Variants in SLC25A28 observed in about 807,000 individuals in gnomAD.
SLC25A28 encodes mitoferrin-2.
Under a neutral mutation model 31.9 loss-of-function variants are expected in SLC25A28, and 10 were observed. That is an observed-to-expected ratio of 0.31 (90% CI 0.19 to 0.53). The LOEUF (loss-of-function observed/expected upper bound fraction) is 0.53, where lower values mean the gene tolerates loss of function less well. Ranked by LOEUF, SLC25A28 falls within the 20% of genes least tolerant of loss-of-function variation. The pLI, the probability that SLC25A28 is intolerant of heterozygous loss-of-function variation, is 0.95. For missense variants in SLC25A28, 256 were observed against 490.3 expected (o/e 0.52, Z 4.51); for synonymous variants, 208 against 203.6 (o/e 1.02, Z -0.19).
chr10:99,620,406 G>C lies in SLC25A28; in HGVS notation c.-71C>G, dbSNP rs1171874055. ...ACTGCCGCCGCCGCCCCCCGGCCCC[G>C]TAGTGTCCGCCTCAGGCGCGGCCCA... On this transcript the variant is annotated 5_prime_UTR_variant, in exon 1 of 4. Transcript: ENST00000370495. 35 of 1,002,840 alleles carry C rather than the reference G, an allele frequency of 3.5e-5. No homozygotes were observed. The highest frequency in any genetic ancestry group is 4.1e-5 in the Non-Finnish European group (35 of 848,954). 62.1% of individuals were successfully genotyped at this position (1,002,840 alleles called of 1,614,324 possible).
upstream of SLC25A28, chr10:99,622,649 T>G (rs546909523): frequency 1.0e-6 from 1 of 985,450 alleles, no homozygotes; most frequent in African/African-American, 1.7e-5. Context: ...CACTTTTTAC[T>G]AGCTTCAGAA....
chr10:99,656,982 T>C, the SLC25A28 span, among the ~76,000 whole-genome samples: 2 of 152,180 alleles, frequency 1.3e-5, no homozygotes, highest in Non-Finnish European at 2.9e-5. Flanking sequence ...TATGGATTTA[T>C]TGAAGGAAGT....
chr10:99,622,704 C>T (rs2034819319), upstream of SLC25A28: 8 of 985,322 alleles, frequency 8.1e-6, no homozygotes, highest in South Asian at 3.3e-4. Context: ...ACTTCTCTAG[C>T]CATTGAAGTG....
the SLC25A28 span, among the ~76,000 whole-genome samples, chr10:99,636,986 A>G: frequency 2.0e-5 from 3 of 152,216 alleles, no homozygotes; most frequent in South Asian, 4.1e-4. Context: ...GGATGTAACC[A>G]AAAAAGAAAA....
chr10:99,657,637 T>C, the SLC25A28 span, among the ~76,000 whole-genome samples: 1 of 152,142 alleles, frequency 6.6e-6, no homozygotes, highest in Non-Finnish European at 1.5e-5. Context: ...CTAGATCTTA[T>C]ATGACAATTA....
chr10:99,656,075 G>C, the SLC25A28 span, among the ~76,000 whole-genome samples: 1 of 152,096 alleles, frequency 6.6e-6, no homozygotes, highest in Non-Finnish European at 1.5e-5. Flanking sequence ...AGTGGGATCT[G>C]CCACACCATG....
At chr10:99,617,491 T>C in intron 1 of SLC25A28, 1 of 925,432 alleles carries the variant, frequency 1.1e-6, no homozygotes, top group Non-Finnish European at 1.2e-6. Flanking sequence ...TCTTAAAGAC[T>C]GGGCTGCTTT....
intron 3 of SLC25A28, 28 bp downstream of exon 3, chr10:99,612,515 A>G (rs2034551768): frequency 6.2e-7 from 1 of 1,612,748 alleles, no homozygotes. Flanking sequence ...GCAGCTGCCC[A>G]CAGAGTGATA....
At chr10:99,628,611 G>A in the SLC25A28 span, among the ~76,000 whole-genome samples, 1 of 152,200 alleles carries the variant, frequency 6.6e-6, no homozygotes, top group South Asian at 2.1e-4. Context: ...GATCACCTGA[G>A]GTCAGGAGTT....
intron 3 of SLC25A28, 115 bp downstream of exon 3, chr10:99,612,428 T>C (rs2034547984): frequency 8.4e-7 from 1 of 1,192,104 alleles, no homozygotes; most frequent in Non-Finnish European, 1.2e-6. Flanking sequence ...GAGCACCCTC[T>C]AGTGGTAAAA....
the SLC25A28 span, among the ~76,000 whole-genome samples, chr10:99,651,594 C>CTTTTTTCTTTT: frequency 2.7e-5 from 3 of 110,174 alleles, no homozygotes; most frequent in Non-Finnish European, 5.4e-5. Flanking sequence ...TTTTTCTTTT[C>CTTTTTTCTTTT]TTTTTTTTTT....
chr10:99,631,878 ATTTTTTTTTTTTAT>A, the SLC25A28 span, among the ~76,000 whole-genome samples: 5 of 92,904 alleles, frequency 5.4e-5, no homozygotes, highest in Non-Finnish European at 8.0e-5. Context: ...TCAGTATGTT[ATTTTTTTTTTTTAT>A]TTTTTTTTTT....
At chr10:99,637,836 T>G in the SLC25A28 span, among the ~76,000 whole-genome samples, 2 of 152,344 alleles carry the variant, frequency 1.3e-5, no homozygotes, top group African/African-American at 4.8e-5. Context: ...TGCTCATGGA[T>G]GGGTAGAATC....
Position 99,613,548 on chromosome 10 carries a change from C to G in SLC25A28, c.520+148G>C. ...GTTGAAGCGGCCCGTTGTCTGAGAA[C>G]ATCAGGTTTGGAAGTCCCTCCCTTA... is the stretch of plus-strand genomic sequence containing the variant. On this transcript the variant is annotated intron_variant, in intron 2 of 3. Coordinates refer to ENST00000370495, the MANE Select transcript of SLC25A28 (RefSeq NM_031212.4). This position sits in a 1 kb window ranked among gnomAD's most constrained non-coding sequence, Gnocchi z 4.9. The G allele has an allele frequency of 6.7e-7, 1 of 1,492,610 alleles. No individual in the cohort carries two copies. Among genetic ancestry groups the G allele is most frequent in the South Asian group, 1.3e-5 (1 of 75,308 alleles). The allele number at this position is 1,492,610 out of a possible 1,614,324, so 92.5% of individuals were successfully genotyped here. A position where few individuals can be genotyped will look rare whatever the true frequency, so the allele number is the denominator to read the frequency against.
At chr10:99,637,669 C>G in the SLC25A28 span, among the ~76,000 whole-genome samples, 491 of 152,216 alleles carry the variant, frequency 3.2e-3, 2 homozygotes, top group African/African-American at 0.011. Flanking sequence ...AAATCAGGAA[C>G]TCAACTCTTT....
chr10:99,644,162 G>A, the SLC25A28 span, among the ~76,000 whole-genome samples: 1 of 152,192 alleles, frequency 6.6e-6, no homozygotes, highest in Non-Finnish European at 1.5e-5. Context: ...TGTTGACAGT[G>A]AGGTGTTAAA....
the SLC25A28 span, among the ~76,000 whole-genome samples, chr10:99,635,729 C>T: frequency 2.6e-5 from 4 of 151,174 alleles, no homozygotes; most frequent in South Asian, 2.1e-4. Context: ...AGGAGACTCA[C>T]CTAACACATA....
chr10:99,636,081 CAAAG>C, the SLC25A28 span, among the ~76,000 whole-genome samples: 1 of 151,720 alleles, frequency 6.6e-6, no homozygotes, highest in Non-Finnish European at 1.5e-5. Context: ...AGAAAGTCAA[CAAAG>C]AAACAATGGA....
rs542135141 is a variant in SLC25A28 at position 99,616,085 on chromosome 10, G to A, written c.292-2161C>T. 840 of 985,384 alleles carry A rather than the reference G, an allele frequency of 8.5e-4. 6 individuals carry two copies. In the African/African-American group the frequency reaches 0.013, roughly 15 times the overall value. 61.0% of individuals were successfully genotyped at this position (985,384 alleles called of 1,614,324 possible). On this transcript the variant is annotated intron_variant, in intron 1 of 3. Coordinates refer to ENST00000370495, the MANE Select transcript of SLC25A28 (RefSeq NM_031212.4). ...TGAATATGGCTCCCCAAATTTGTGG[G>A]CCAATAAATCTGCCTTTTACAGAAA...
Sources: allele counts gnomAD v4.1 joint callset (sites outside exome capture counted in the v4.1 genomes callset), GRCh38; gene constraint gnomAD v4.1.1; non-coding constraint Gnocchi (gnomAD v3.1); transcripts MANE v1.5; gene names NCBI Gene and HGNC (gene_info 2026-07-23, HGNC 2026-07-21).